DIAPH2: variants seen among roughly 807,000 people sequenced by gnomAD.
The protein encoded by DIAPH2 is diaphanous related formin 2, also known as protein diaphanous homolog 2.
Under a neutral mutation model 92.7 loss-of-function variants are expected in DIAPH2, and 35 were observed. The ratio of observed to expected loss-of-function variants is 0.38; its 90% CI spans 0.29 to 0.50. The LOEUF (loss-of-function observed/expected upper bound fraction) is 0.50. DIAPH2 is among the 20% of genes least tolerant of loss of function. The pLI is 0.94. For synonymous variants in DIAPH2, 301 were observed against 280.4 expected, an observed-to-expected ratio of 1.07 and a Z score of -0.73; for missense variants, 701 against 819.5, an observed-to-expected ratio of 0.86 and a Z score of 1.77.
At chrX:97,516,149 A>G (rs1300097341) in intron 26 of DIAPH2, among the ~76,000 whole-genome samples, 3 of 110,153 alleles carry the variant, frequency 2.7e-5, no homozygotes, top group African/African-American at 9.9e-5. Context: ...CAGCTACTCA[A>G]GAGGCTGAGG....
intron 8 of DIAPH2, among the ~76,000 whole-genome samples, chrX:96,918,064 A>G (rs941598832): frequency 9.0e-6 from 1 of 111,285 alleles, no homozygotes; most frequent in African/African-American, 3.3e-5. Context: ...TTGATGCCCT[A>G]AAATTATTTA....
At chrX:97,279,257 A>AT (rs1273216184) in intron 23 of DIAPH2, among the ~76,000 whole-genome samples, 4 of 108,653 alleles carry the variant, frequency 3.7e-5, no homozygotes, top group East Asian at 2.9e-4. Context: ...AACTAAATTG[A>AT]TTTTTTAAAA....
chrX:97,519,514 T>C (rs2070975505), intron 26 of DIAPH2, among the ~76,000 whole-genome samples: 1 of 111,706 alleles, frequency 9.0e-6, no homozygotes, highest in South Asian at 3.7e-4. Flanking sequence ...AAAATGGTTT[T>C]TAAGTGTTTA....
intron 4 of DIAPH2, among the ~76,000 whole-genome samples, chrX:96,821,589 T>C (rs1216814182): frequency 8.9e-6 from 1 of 112,417 alleles, no homozygotes; most frequent in East Asian, 2.8e-4. Flanking sequence ...AAGTTGGAAA[T>C]AAAGTGAAAT....
intron 22 of DIAPH2, among the ~76,000 whole-genome samples, chrX:97,147,733 G>A (rs1276477452): frequency 9.0e-6 from 1 of 111,619 alleles, no homozygotes; most frequent in South Asian, 3.7e-4. Context: ...AGCTAGTTAA[G>A]TTTCTTCTGA....
intron 17 of DIAPH2, among the ~76,000 whole-genome samples, chrX:96,987,754 T>C (rs1306723428): frequency 1.8e-5 from 2 of 110,833 alleles, no homozygotes; most frequent in East Asian, 5.6e-4. Flanking sequence ...AACTCAAATA[T>C]CAATATGATC....
intron 4 of DIAPH2, among the ~76,000 whole-genome samples, chrX:96,839,192 T>A (rs899568473): frequency 9.0e-6 from 1 of 111,425 alleles, no homozygotes; most frequent in Admixed American, 9.6e-5. Flanking sequence ...TGGAGTCAGA[T>A]GGGCTAGATT....
At chrX:97,099,658 A>G in intron 19 of DIAPH2, 36 bp from the exon 20 acceptor site, 12 of 985,276 alleles carry the variant, frequency 1.2e-5, no homozygotes, top group Non-Finnish European at 1.5e-5. Context: ...TTCTAATACT[A>G]AAACACTAAA....
intron 22 of DIAPH2, among the ~76,000 whole-genome samples, chrX:97,187,281 C>CTTTGTTTTTTTTTTT: frequency 2.7e-5 from 1 of 36,889 alleles, no homozygotes; most frequent in Non-Finnish European, 4.4e-5. Flanking sequence ...ATTAAGTAGC[C>CTTTGTTTTTTTTTTT]TTTTTTTTTT....
At chrX:97,048,375 T>G (rs1449895198) in intron 17 of DIAPH2, among the ~76,000 whole-genome samples, 1 of 111,605 alleles carries the variant, frequency 9.0e-6, no homozygotes, top group Non-Finnish European at 1.9e-5. Flanking sequence ...GCATTCCTTA[T>G]GATTAGATTC....
At chrX:96,776,286 C>T (rs1334408588) in intron 4 of DIAPH2, among the ~76,000 whole-genome samples, 1 of 111,252 alleles carries the variant, frequency 9.0e-6, no homozygotes, top group African/African-American at 3.3e-5. Context: ...TCCCTGCTCA[C>T]TGCACCCTCT....
At chrX:97,441,380 G>A (rs754756044) in intron 26 of DIAPH2, among the ~76,000 whole-genome samples, 1 of 110,742 alleles carries the variant, frequency 9.0e-6, no homozygotes, top group Non-Finnish European at 1.9e-5. Context: ...ATTGCATTGA[G>A]TTCTCAAGTG....
rs780170159 is a variant in DIAPH2 at position 97,129,399 on chromosome X, G to C, written c.2590-12266G>C. Among the ~76,000 whole-genome samples, 3 of 109,398 alleles carry C rather than the reference G, an allele frequency of 2.7e-5. No individual in the cohort carries two copies. In the South Asian group the frequency reaches 1.2e-3, roughly 43 times the overall value. 95.0% of individuals were successfully genotyped at this position (109,398 alleles called of 115,157 possible). ...GCAGGGTGGTCTCGAACTCCTGACC[G>C]CGTGATCCACCCACCTCGGCCTCCC... On this transcript the variant is annotated intron_variant, in intron 21 of 26. Transcript: ENST00000324765.
intron 17 of DIAPH2, among the ~76,000 whole-genome samples, chrX:96,983,036 A>G (rs2066007536): frequency 9.2e-6 from 1 of 109,102 alleles, no homozygotes; most frequent in African/African-American, 3.4e-5. Context: ...TTTTGGGGGG[A>G]GTGCGGGTTC....
intron 4 of DIAPH2, among the ~76,000 whole-genome samples, chrX:96,822,167 T>G (rs707294): frequency 0.34 from 37,142 of 110,290 alleles, 5,771 homozygotes; most frequent in South Asian, 0.5. Flanking sequence ...ATGAGAATCT[T>G]ATAGACCTTC....
Position 96,962,286 on chromosome X carries a change from CAT to C in DIAPH2, c.1936-2795_1936-2794del, listed in dbSNP as rs368205747. Among the ~76,000 whole-genome samples, 144 of 59,749 alleles carry C rather than the reference CAT, an allele frequency of 2.4e-3. 5 individuals carry two copies. The highest frequency in any genetic ancestry group is 6.9e-3 in the East Asian group (16 of 2,325). 51.9% of individuals were successfully genotyped at this position (59,749 alleles called of 115,157 possible). On this transcript the variant is annotated intron_variant, in intron 16 of 26. Transcript: ENST00000324765. ...CTATATATATATACATATATATATA[CAT>C]ATATATATATACATATATATATACA... is the stretch of plus-strand genomic sequence containing the variant.
chrX:96,732,822 T>C (rs1400728506), intron 1 of DIAPH2, among the ~76,000 whole-genome samples: 1 of 112,147 alleles, frequency 8.9e-6, no homozygotes. Flanking sequence ...GAAATGTATA[T>C]AGCAGAATGG....
chrX:97,189,838 T>C (rs1486288035), intron 22 of DIAPH2, among the ~76,000 whole-genome samples: 2 of 112,516 alleles, frequency 1.8e-5, no homozygotes, highest in Admixed American at 1.9e-4. Context: ...ACTAGGCAGG[T>C]ATGATGATTG....
chrX:97,108,590 T>A (rs1201934439), intron 20 of DIAPH2, among the ~76,000 whole-genome samples: 1 of 111,626 alleles, frequency 9.0e-6, no homozygotes, highest in Non-Finnish European at 1.9e-5. Context: ...TGTACACTGG[T>A]CTGATCGTAA....
Sources: gnomAD v4.1 joint callset for allele counts (sites outside exome capture counted in the v4.1 genomes callset) on GRCh38, gnomAD v4.1.1 for gene constraint, MANE v1.5 for transcripts, NCBI Gene and HGNC (gene_info 2026-07-23, HGNC 2026-07-21) for gene names.